The following TNRC6A variants were observed in gnomAD, a reference collection of about 807,000 sequenced individuals.
TNRC6A encodes trinucleotide repeat-containing gene 6A protein.
TNRC6A carries 44 observed loss-of-function variants against 221.2 expected under a neutral mutation model. The ratio of observed to expected loss-of-function variants is 0.20; its 90% CI spans 0.16 to 0.26. The LOEUF is 0.26. Among genes scored for constraint, TNRC6A ranks in the 10% least tolerant of loss-of-function variants. The pLI, the probability that TNRC6A is intolerant of heterozygous loss-of-function variation, is 1.00. For synonymous variants in TNRC6A, 847 were observed against 838.5 expected, an observed-to-expected ratio of 1.01 and a Z score of -0.18; for missense variants, 2,199 against 2,404.4, an observed-to-expected ratio of 0.91 and a Z score of 1.79.
At chr16:24,713,886 T>C (rs897026421) in intron 2 of TNRC6A, among the ~76,000 whole-genome samples, 2 of 152,182 alleles carry the variant, frequency 1.3e-5, no homozygotes. Flanking sequence ...CCTCAGGTGA[T>C]CCACCCGCCT....
chr16:24,648,274 C>CTTTTTTTTTTTTTT (rs71156430), intron 2 of TNRC6A, among the ~76,000 whole-genome samples: 8,163 of 96,872 alleles, frequency 0.084, 1,679 homozygotes, highest in Admixed American at 0.1. Context: ...TCCACAGCAA[C>CTTTTTTTTTTTTTT]TTTTTTTTTT....
chr16:24,812,786 C>T (rs1459649516), intron 18 of TNRC6A, among the ~76,000 whole-genome samples: 6 of 151,086 alleles, frequency 4.0e-5, no homozygotes, highest in African/African-American at 7.3e-5. Context: ...TTAAGTGACA[C>T]GTGAGTGCAA....
chr16:24,731,814 G>T (rs565866233), intron 2 of TNRC6A, among the ~76,000 whole-genome samples: 41 of 152,328 alleles, frequency 2.7e-4, no homozygotes, highest in Middle Eastern at 3.4e-3. Context: ...TTGAATTCCA[G>T]CTCTGCTACT....
intron 2 of TNRC6A, among the ~76,000 whole-genome samples, chr16:24,683,538 G>T (rs1015632109): frequency 2.6e-5 from 4 of 152,076 alleles, no homozygotes; most frequent in Non-Finnish European, 1.5e-5. Context: ...GGTAGCTCAG[G>T]CAAGGCTCAG....
intron 2 of TNRC6A, among the ~76,000 whole-genome samples, chr16:24,645,123 G>A (rs551015919): frequency 1.4e-4 from 21 of 152,288 alleles, no homozygotes; most frequent in Admixed American, 3.3e-4. Context: ...TCACTTTCCT[G>A]TATTATTCAC....
chr16:24,691,693 G>A (rs1285297945), intron 2 of TNRC6A, among the ~76,000 whole-genome samples: 3 of 151,968 alleles, frequency 2.0e-5, no homozygotes, highest in Non-Finnish European at 2.9e-5. Flanking sequence ...ACTTGAACCC[G>A]GGAGGCAGAA....
At chr16:24,634,676 C>A (rs1224036944) in intron 1 of TNRC6A, among the ~76,000 whole-genome samples, 1 of 152,184 alleles carries the variant, frequency 6.6e-6, no homozygotes, top group African/African-American at 2.4e-5. Flanking sequence ...GAATTGTTAT[C>A]CCAGGTCAGC....
intron 2 of TNRC6A, among the ~76,000 whole-genome samples, chr16:24,734,210 G>A (rs2056710765): frequency 6.6e-6 from 1 of 152,082 alleles, no homozygotes; most frequent in African/African-American, 2.4e-5. Flanking sequence ...AAAAAGATGA[G>A]TGTATAAGAT....
rs2058209770 is a variant in TNRC6A, at chr16:24,795,903, A to G, written c.3529-4A>G. The G allele has an allele frequency of 4.4e-6, 7 of 1,598,808 alleles. No individual in the cohort carries two copies. The highest frequency in any genetic ancestry group is 1.7e-5 in the Admixed American group (1 of 58,906). On this transcript the variant is annotated splice_polypyrimidine_tract_variant and splice_region_variant and intron_variant, in intron 8 of 24. Coordinates refer to ENST00000395799, the MANE Select transcript of TNRC6A (RefSeq NM_014494.4). ...CTGTTTTGTGACTTTGTCTTTCCTT[A>G]CAGGGTCTGAGTGGCAAAAAAAGGA...
intron 2 of TNRC6A, among the ~76,000 whole-genome samples, chr16:24,735,526 A>T (rs1032038597): frequency 6.6e-6 from 1 of 152,234 alleles, no homozygotes; most frequent in African/African-American, 2.4e-5. Context: ...GTACCAACCC[A>T]ATATGCTTTT....
intron 2 of TNRC6A, among the ~76,000 whole-genome samples, chr16:24,724,274 A>C (rs1419760126): frequency 6.6e-6 from 1 of 152,202 alleles, no homozygotes; most frequent in Non-Finnish European, 1.5e-5. Flanking sequence ...TTTATCATTT[A>C]CTATTTTAAT....
chr16:24,678,267 T>C (rs919046238), intron 2 of TNRC6A, among the ~76,000 whole-genome samples: 2 of 146,426 alleles, frequency 1.4e-5, no homozygotes, highest in East Asian at 4.0e-4. Context: ...GTTGAGATCG[T>C]GCCACTACAC....
At chr16:24,629,755 A>G (rs7203072) in intron 1 of TNRC6A, among the ~76,000 whole-genome samples, 104,972 of 151,974 alleles carry the variant, frequency 0.69, 37,665 homozygotes, top group African/African-American at 0.88. Flanking sequence ...GAGGCAGGTG[A>G]ATTGTTTGAG....
chr16:24,623,190 T>C (rs58869118), intron 1 of TNRC6A, among the ~76,000 whole-genome samples: 1,958 of 147,928 alleles, frequency 0.013, 25 homozygotes, highest in African/African-American at 0.02. Context: ...TATTTATTTA[T>C]TTACTTATTT....
At chr16:24,699,121 G>A (rs1490777286) in intron 2 of TNRC6A, among the ~76,000 whole-genome samples, 3 of 152,090 alleles carry the variant, frequency 2.0e-5, no homozygotes, top group Admixed American at 1.3e-4. Context: ...GGGAAGCATG[G>A]GTTAAACATT....
At chr16:24,805,867 A>T in intron 15 of TNRC6A, 134 bp downstream of exon 15, 2 of 1,183,480 alleles carry the variant, frequency 1.7e-6, no homozygotes, top group Non-Finnish European at 2.4e-6. Context: ...CTTACAGTCT[A>T]TCGGGGGAGA....
intron 1 of TNRC6A, among the ~76,000 whole-genome samples, chr16:24,622,137 T>C (rs895304061): frequency 6.6e-6 from 1 of 152,132 alleles, no homozygotes; most frequent in Non-Finnish European, 1.5e-5. Flanking sequence ...TATTTTTTAG[T>C]GGCCAGCCAT....
At chr16:24,658,762 T>C (rs76480627) in intron 2 of TNRC6A, among the ~76,000 whole-genome samples, 4,865 of 152,094 alleles carry the variant, frequency 0.032, 192 homozygotes, top group East Asian at 0.14. Flanking sequence ...CCCCAAAGAG[T>C]TTGCTCTTAC....
At chr16:24,659,859 A>G (rs1037135508) in intron 2 of TNRC6A, among the ~76,000 whole-genome samples, 1 of 152,240 alleles carries the variant, frequency 6.6e-6, no homozygotes, top group African/African-American at 2.4e-5. Flanking sequence ...TTCCATAGGC[A>G]CATAAAAGAT....
Sources: allele counts gnomAD v4.1 joint callset (sites outside exome capture counted in the v4.1 genomes callset), GRCh38; gene constraint gnomAD v4.1.1; transcripts MANE v1.5; gene names NCBI Gene and HGNC (gene_info 2026-07-23, HGNC 2026-07-21).